Variants in TMC1 observed in about 807,000 individuals in gnomAD.
TMC1 encodes transmembrane channel like 1, also known as transmembrane channel-like protein 1.
Under a neutral mutation model 105.8 loss-of-function variants are expected in TMC1, and 84 were observed. That is an observed-to-expected ratio of 0.79 (90% CI 0.67 to 0.95). The LOEUF is 0.95. Among genes scored for constraint, TMC1 ranks in the 40% least tolerant of loss-of-function variants. The pLI, the probability that TMC1 is intolerant of heterozygous loss-of-function variation, is 0.00. For synonymous variants in TMC1, 315 were observed against 311.5 expected (o/e 1.01, Z -0.12); for missense variants, 817 against 914.1 (o/e 0.89, Z 1.37).
chr9:72,746,563 G>A lies in TMC1; in HGVS notation c.535+4038G>A, dbSNP rs75988105. ...TCAGTATCTAGATAATACCAAATAAGTATTTTTAAAATGTGGCTAAAGGAG... is the reference window on the plus strand; with the variant it reads ...TCAGTATCTAGATAATACCAAATAAATATTTTTAAAATGTGGCTAAAGGAG... On this transcript the variant is annotated intron_variant, in intron 10 of 23. Coordinates refer to ENST00000297784, the MANE Select transcript of TMC1 (RefSeq NM_138691.3). Among the ~76,000 whole-genome samples, 481 of 144,928 alleles carry A rather than the reference G, an allele frequency of 3.3e-3. 2 individuals carry two copies. The highest frequency in any genetic ancestry group is 0.012 in the African/African-American group (461 of 38,358).
At chr9:72,615,156 C>T (rs566193314) in intron 2 of TMC1, among the ~76,000 whole-genome samples, 1 of 152,230 alleles carries the variant, frequency 6.6e-6, no homozygotes, top group Admixed American at 6.5e-5. Flanking sequence ...AATCTTAATT[C>T]TAGTTAATAT....
chr9:72,719,985 C>T (rs368587123), intron 8 of TMC1, among the ~76,000 whole-genome samples: 1 of 152,118 alleles, frequency 6.6e-6, no homozygotes. Context: ...CCTTGAGTCT[C>T]CTTACTATGA....
intron 5 of TMC1, among the ~76,000 whole-genome samples, chr9:72,679,443 A>G (rs1190919220): frequency 1.3e-5 from 2 of 151,930 alleles, no homozygotes; most frequent in East Asian, 3.9e-4. Context: ...AGCATTTGTT[A>G]TTTGTACAGA....
chr9:72,617,945 G>GTGTGTGTGTGTA (rs1825165678), intron 3 of TMC1, among the ~76,000 whole-genome samples: 1 of 130,388 alleles, frequency 7.7e-6, no homozygotes, highest in South Asian at 2.3e-4. Context: ...GTGTGTGTGT[G>GTGTGTGTGTGTA]TGTGTATGTG....
intron 5 of TMC1, among the ~76,000 whole-genome samples, chr9:72,666,213 C>G (rs1347773292): frequency 6.7e-6 from 1 of 150,300 alleles, no homozygotes; most frequent in Admixed American, 6.6e-5. Context: ...GGCAGGTGTT[C>G]GAGACTAGCC....
intron 4 of TMC1, among the ~76,000 whole-genome samples, chr9:72,629,901 T>G (rs980899690): frequency 1.3e-5 from 2 of 152,222 alleles, no homozygotes; most frequent in Non-Finnish European, 2.9e-5. Flanking sequence ...AGTCTCACTC[T>G]GTCACCTAGG....
intron 12 of TMC1, among the ~76,000 whole-genome samples, chr9:72,759,123 G>T (rs999695116): frequency 6.6e-6 from 1 of 152,102 alleles, no homozygotes; most frequent in Non-Finnish European, 1.5e-5. Context: ...AGGAAGTGGG[G>T]TTATTAGAAT....
At chr9:72,636,526 C>T (rs1825536438) in intron 4 of TMC1, among the ~76,000 whole-genome samples, 1 of 151,722 alleles carries the variant, frequency 6.6e-6, no homozygotes, top group Non-Finnish European at 1.5e-5. Flanking sequence ...GTGAAACCCA[C>T]ATGGTGAAAC....
At chr9:72,806,253 CGGCT>C (rs1828579790) in intron 18 of TMC1, among the ~76,000 whole-genome samples, 1 of 133,072 alleles carries the variant, frequency 7.5e-6, no homozygotes, top group African/African-American at 2.9e-5. Flanking sequence ...CCGGATGGGG[CGGCT>C]GGCCGGGCAG....
In TMC1 at chr9:72,764,689, A is replaced by G. The variant is rs561473243; in HGVS notation, c.742-7724A>G. 3.9e-5 allele frequency among the ~76,000 whole-genome samples: 6 copies of G among 152,352 alleles called. No homozygotes were observed. The South Asian group carries it at 1.2e-3, about 32-fold the overall frequency. ...AGAAGAATAAAAAAAGTTGGTGTAC[A>G]TGACAATTTAAAGGAGCTTATTCTA... On this transcript the variant is annotated intron_variant, in intron 12 of 23. Coordinates refer to ENST00000297784, the MANE Select transcript of TMC1 (RefSeq NM_138691.3).
At chr9:72,550,589 C>T (rs1319560323) in intron 1 of TMC1, among the ~76,000 whole-genome samples, 2 of 136,848 alleles carry the variant, frequency 1.5e-5, no homozygotes, top group Non-Finnish European at 3.0e-5. Context: ...ACCCAGGAGG[C>T]GGAGCTTGCA....
chr9:72,642,441 A>G (rs979342157), intron 4 of TMC1, among the ~76,000 whole-genome samples: 1 of 152,200 alleles, frequency 6.6e-6, no homozygotes, highest in Non-Finnish European at 1.5e-5. Context: ...TTAAACGTAA[A>G]TATCTCTAGG....
chr9:72,805,367 A>G lies in TMC1; in HGVS notation c.1567-15A>G, dbSNP rs746170962. 2 of 1,613,166 alleles carry G rather than the reference A, an allele frequency of 1.2e-6. No homozygotes were observed. Among genetic ancestry groups the G allele is most frequent in the Non-Finnish European group, 8.5e-7 (1 of 1,179,392 alleles). ...GACAGAACTGTGTGTTTTAATAGAG[A>G]TAATATCTCAACAGGAGTTTGTGAG... On this transcript the variant is annotated splice_polypyrimidine_tract_variant and intron_variant, in intron 17 of 23. Transcript: ENST00000297784.
In TMC1 at chr9:72,787,093, A is replaced by C. The variant is rs1426447730; in HGVS notation, c.885-1246A>C. Among the ~76,000 whole-genome samples the C allele has an allele frequency of 2.0e-5, 3 of 151,772 alleles. No homozygotes were observed. The East Asian group carries it at 5.8e-4, about 29-fold the overall frequency. Reference sequence around the variant, plus strand: ...CTAGCTTGAGCACTGGAGCAAAGTCAGAAAATCTGAGCCCTTGACTTATCT... The same window carrying C: ...CTAGCTTGAGCACTGGAGCAAAGTCCGAAAATCTGAGCCCTTGACTTATCT... On this transcript the variant is annotated intron_variant, in intron 13 of 23. Coordinates refer to ENST00000297784, the MANE Select transcript of TMC1 (RefSeq NM_138691.3).
At chr9:72,818,338 G>T (rs1366837630) in intron 19 of TMC1, among the ~76,000 whole-genome samples, 2 of 152,138 alleles carry the variant, frequency 1.3e-5, no homozygotes, top group Non-Finnish European at 1.5e-5. Flanking sequence ...AATCCATTTT[G>T]CTATGATTTG....
At chr9:72,813,189 C>A (rs1828732395) in intron 18 of TMC1, among the ~76,000 whole-genome samples, 1 of 151,780 alleles carries the variant, frequency 6.6e-6, no homozygotes, top group South Asian at 2.1e-4. Flanking sequence ...TACCTTTGAG[C>A]TTTTTCTATT....
chr9:72,597,469 G>A (rs1824739093), intron 2 of TMC1, among the ~76,000 whole-genome samples: 2 of 152,210 alleles, frequency 1.3e-5, no homozygotes, highest in Non-Finnish European at 2.9e-5. Flanking sequence ...AGGTTGAAGA[G>A]CGAGTGGCCA....
At chr9:72,764,058 A>G (rs1328055026) in intron 12 of TMC1, among the ~76,000 whole-genome samples, 6 of 152,228 alleles carry the variant, frequency 3.9e-5, no homozygotes, top group African/African-American at 1.2e-4. Flanking sequence ...TTCACAATGC[A>G]TTAAATTATA....
chr9:72,552,721 A>G (rs946535682), intron 1 of TMC1, among the ~76,000 whole-genome samples: 1 of 152,190 alleles, frequency 6.6e-6, no homozygotes, highest in African/African-American at 2.4e-5. Flanking sequence ...TTGTGAAACC[A>G]ACCAGCTGAC....
Sources: gnomAD v4.1 joint callset for allele counts (sites outside exome capture counted in the v4.1 genomes callset) on GRCh38, gnomAD v4.1.1 for gene constraint, MANE v1.5 for transcripts, NCBI Gene and HGNC (gene_info 2026-07-23, HGNC 2026-07-21) for gene names.